The following LIMK2 variants were observed in gnomAD, a reference collection of about 807,000 sequenced individuals.
The protein encoded by LIMK2 is LIM domain kinase 2.
LIMK2 carries 35 observed loss-of-function variants against 75.7 expected under a neutral mutation model. The observed-to-expected ratio is 0.46, with a 90% CI of 0.35 to 0.61. LIMK2 has a LOEUF of 0.61. Among genes scored for constraint, LIMK2 ranks in the 20% least tolerant of loss-of-function variants. The pLI, the probability that LIMK2 is intolerant of heterozygous loss-of-function variation, is 0.00. For synonymous variants in LIMK2, 301 were observed against 319.2 expected (o/e 0.94, Z 0.61); for missense variants, 623 against 831.0 (o/e 0.75, Z 3.08).
chr22:31,268,792 C>G (rs895177180), intron 11 of LIMK2, among the ~76,000 whole-genome samples: 1 of 152,208 alleles, frequency 6.6e-6, no homozygotes, highest in African/African-American at 2.4e-5. Flanking sequence ...GTTTATTCCT[C>G]ATGACAACCT....
Position 31,262,062 on chromosome 22 carries a change from C to A in LIMK2, c.552-72C>A. On this transcript the variant is annotated intron_variant, in intron 5 of 15. Transcript: ENST00000331728. The surrounding 1 kb of genome is among the most constrained non-coding windows in gnomAD (Gnocchi z 5.0). ...GTGGCCTGGGACCTGGTAAACCTTC[C>A]CTGCACAAGCAGAATTGGTCAAGCA... 1 of 1,273,892 alleles carries A rather than the reference C, an allele frequency of 7.8e-7. No homozygotes were observed. The highest frequency in any genetic ancestry group is 1.2e-5 in the South Asian group (1 of 83,406). 78.9% of individuals were successfully genotyped at this position (1,273,892 alleles called of 1,614,324 possible).
chr22:31,278,702 C>T lies in LIMK2; in HGVS notation c.*261C>T. The stretch of plus-strand genomic sequence containing the variant: ...CTGTGAAGAAGAAAAAAACCCCTGG[C>T]CTTTGGGCCAGGAGGAATCTGTTAC... On this transcript the variant is annotated 3_prime_UTR_variant, in exon 16 of 16. Transcript: ENST00000331728. The T allele has an allele frequency of 3.1e-6, 1 of 317,864 alleles. No homozygotes were observed. Among genetic ancestry groups the T allele is most frequent in the Non-Finnish European group, 5.8e-6 (1 of 172,734 alleles). The allele number at this position is 317,864 out of a possible 1,614,324, so 19.7% of individuals were successfully genotyped here.
At chr22:31,276,505 G>T (rs1378593188) in intron 15 of LIMK2, among the ~76,000 whole-genome samples, 2 of 147,492 alleles carry the variant, frequency 1.4e-5, no homozygotes, top group Non-Finnish European at 3.0e-5. Context: ...GGGCGGATCG[G>T]CGGGGAGGGG....
At position 31,262,886 on chromosome 22, in the gene LIMK2, C is replaced by A. The variant is rs1347667739; in HGVS notation, c.854+95C>A. 2 of 1,137,418 alleles carry A rather than the reference C, an allele frequency of 1.8e-6. No homozygotes were observed. Among genetic ancestry groups the A allele is most frequent in the Non-Finnish European group, 2.4e-6 (2 of 816,446 alleles). The allele number at this position is 1,137,418 out of a possible 1,614,324, so 70.5% of individuals were successfully genotyped here. A position where few individuals can be genotyped will look rare whatever the true frequency, so the allele number is the denominator to read the frequency against. ...GAAGCCTGCAGAGTTAGGAAAGGAA[C>A]CAGCTGGCCAGGGACAGACTATGAG... On this transcript the variant is annotated intron_variant, in intron 7 of 15. Transcript: ENST00000331728. The surrounding 1 kb of genome is among the most constrained non-coding windows in gnomAD (Gnocchi z 5.0).
chr22:31,250,566 C>G (rs924669028), intron 2 of LIMK2, among the ~76,000 whole-genome samples: 2 of 152,058 alleles, frequency 1.3e-5, no homozygotes, highest in Non-Finnish European at 2.9e-5. Context: ...GACTGACTTT[C>G]GTAGACATTC....
chr22:31,246,183 G>GCGCACACACACA lies in LIMK2; in HGVS notation c.117-12107_117-12106insGCACACACACAC, dbSNP rs746599250. On this transcript the variant is annotated intron_variant, in intron 2 of 15. Transcript: ENST00000331728. ...GCGAGACTCCGACACACGCACGCAC[G>GCGCACACACACA]CACACACACACACACACACACACAC... Among the ~76,000 whole-genome samples the GCGCACACACACA allele has an allele frequency of 2.9e-4, 39 of 135,096 alleles. No individual in the cohort carries two copies. The East Asian group carries it at 3.8e-3, about 13-fold the overall frequency. 88.6% of individuals were successfully genotyped at this position (135,096 alleles called of 152,430 possible).
intron 2 of LIMK2, among the ~76,000 whole-genome samples, chr22:31,242,094 T>TTCCTGCCCACATTCTTACTGTCTGGA (rs1432371870): frequency 1.2e-4 from 18 of 152,196 alleles, no homozygotes; most frequent in Non-Finnish European, 2.4e-4. Context: ...TTTTCTAGAT[T>TTCCTGCCCACATTCTTACTGTCTGGA]TCCTGCCCAC....
intron 1 of LIMK2, 52 bp from the exon 2 acceptor site, chr22:31,225,668 C>T (rs75689148): frequency 7.5e-7 from 1 of 1,336,418 alleles, no homozygotes; most frequent in African/African-American, 1.4e-5. Flanking sequence ...GGAATCCTGT[C>T]CCTTTGCCTC....
At chr22:31,271,301 G>T (rs970082559) in intron 12 of LIMK2, 100 bp downstream of exon 12, 35 of 1,015,390 alleles carry the variant, frequency 3.4e-5, no homozygotes, top group African/African-American at 9.5e-5. Context: ...AGAGGGCAGA[G>T]GTGTTGCCTA....
At chr22:31,224,871 A>G (rs1334241635) in intron 1 of LIMK2, among the ~76,000 whole-genome samples, 1 of 152,202 alleles carries the variant, frequency 6.6e-6, no homozygotes, top group Non-Finnish European at 1.5e-5. Flanking sequence ...CAGCCCCTGG[A>G]CCGCCAACTG....
intron 1 of LIMK2, among the ~76,000 whole-genome samples, chr22:31,218,083 G>A (rs2048402950): frequency 6.6e-6 from 1 of 152,180 alleles, no homozygotes; most frequent in Non-Finnish European, 1.5e-5. Context: ...CACGCAGGAA[G>A]GAAGAGAAGT....
In LIMK2 at chr22:31,278,378, G is replaced by C. The variant is rs1386273010; in HGVS notation, c.1854G>C (p.Glu618Asp). Reference sequence around the variant, plus strand: ...AGCTGGGCATCCCGCTGCCTGCAGAGCTGGAGGAGTTGGACCACACTGTGA... The same window carrying C: ...AGCTGGGCATCCCGCTGCCTGCAGACCTGGAGGAGTTGGACCACACTGTGA... ...LGELGIPLPAELEELDHTVSM... is the reference protein window; with the variant it reads ...LGELGIPLPADLEELDHTVSM... Residue 618 changes from glutamate (E) to aspartate (D), a missense_variant, in exon 16 of 16, where the codon GAG (glutamate) becomes GAC (aspartate). Coordinates refer to ENST00000331728, the MANE Select transcript of LIMK2 (RefSeq NM_005569.4). The C allele has an allele frequency of 6.2e-7, 1 of 1,613,904 alleles. No homozygotes were observed. The highest frequency in any genetic ancestry group is 8.5e-7 in the Non-Finnish European group (1 of 1,179,984).
intron 2 of LIMK2, among the ~76,000 whole-genome samples, chr22:31,257,265 GA>G (rs1348007676): frequency 6.6e-6 from 1 of 151,090 alleles, no homozygotes; most frequent in East Asian, 1.9e-4. Flanking sequence ...ATTTTATTTT[GA>G]AAAAAAATTC....
chr22:31,258,433 G>A lies in LIMK2; in HGVS notation c.252+7G>A. On this transcript the variant is annotated splice_region_variant and intron_variant, in intron 3 of 15. Coordinates refer to ENST00000331728, the MANE Select transcript of LIMK2 (RefSeq NM_005569.4). ...GATGACAGGGCCTTTTATGGTGAGT[G>A]AATCCCTTCATATCTGCCCCTCTTG... 1 of 1,614,036 alleles carries A rather than the reference G, an allele frequency of 6.2e-7. No individual in the cohort carries two copies. The highest frequency in any genetic ancestry group is 1.1e-5 in the South Asian group (1 of 91,070).
intron 2 of LIMK2, among the ~76,000 whole-genome samples, chr22:31,246,112 G>T (rs905423469): frequency 6.6e-6 from 1 of 151,294 alleles, no homozygotes; most frequent in Non-Finnish European, 1.5e-5. Context: ...GGCGGAGGTT[G>T]CAGTGAGCCA....
At chr22:31,277,176 G>T in intron 15 of LIMK2, 1 of 1,612,460 alleles carries the variant, frequency 6.2e-7, no homozygotes, top group South Asian at 1.1e-5. Flanking sequence ...GCTCCCATAG[G>T]ACAATCGCTA....
chr22:31,277,395 G>C (rs1027413799), intron 15 of LIMK2: 9 of 1,281,074 alleles, frequency 7.0e-6, no homozygotes, highest in Non-Finnish European at 8.8e-6. Context: ...AAGCGAGGTA[G>C]GGTACGCCTT....
intron 15 of LIMK2, chr22:31,277,220 G>T: frequency 1.3e-6 from 2 of 1,596,568 alleles, no homozygotes; most frequent in Non-Finnish European, 1.7e-6. Flanking sequence ...AATACCGGGG[G>T]ACCCTGCGGC....
rs748636308 is a variant in LIMK2 at position 31,278,175 on chromosome 22, C to G, written c.1773-122C>G. ...ATGCCCATTTCTCACAGAGGCACTA[C>G]TAGGTGAAGGAGTTTGCCTGACGTT... On this transcript the variant is annotated intron_variant, in intron 15 of 15. Transcript: ENST00000331728. 3.5e-5 allele frequency: 27 copies of G among 775,494 alleles called. 1 individual carries two copies. Among genetic ancestry groups the G allele is most frequent in the Middle Eastern group, 4.8e-4 (2 of 4,186 alleles). The allele number at this position is 775,494 out of a possible 1,614,324, so 48.0% of individuals were successfully genotyped here.
Sources: gnomAD v4.1 joint callset for allele counts (sites outside exome capture counted in the v4.1 genomes callset) on GRCh38, gnomAD v4.1.1 for gene constraint, Gnocchi (gnomAD v3.1) non-coding constraint, MANE v1.5 for transcripts, NCBI Gene and HGNC (gene_info 2026-07-23, HGNC 2026-07-21) for gene names.